The following ADAM12 variants were observed in gnomAD, a reference collection of about 807,000 sequenced individuals.
ADAM12 encodes the protein ADAM metallopeptidase domain 12, also known as disintegrin and metalloproteinase domain-containing protein 12.
ADAM12 carries 70 observed loss-of-function variants against 106.4 expected under a neutral mutation model. The ratio of observed to expected loss-of-function variants is 0.66; its 90% CI spans 0.54 to 0.80. The LOEUF (loss-of-function observed/expected upper bound fraction) is 0.80. Ranked by LOEUF, ADAM12 falls within the 30% of genes least tolerant of loss-of-function variation. ADAM12 has a pLI of 0.00. For missense variants in ADAM12, 1,010 were observed against 1,171.9 expected, an observed-to-expected ratio of 0.86 and a Z score of 2.02; for synonymous variants, 420 against 433.5, an observed-to-expected ratio of 0.97 and a Z score of 0.39.
At chr10:126,097,210 G>T (rs1955574078) in intron 10 of ADAM12, among the ~76,000 whole-genome samples, 1 of 152,218 alleles carries the variant, frequency 6.6e-6, no homozygotes, top group Non-Finnish European at 1.5e-5. Context: ...AGTCTGCTCT[G>T]TAAAAATAGA....
chr10:126,060,145 CA>C (rs1033917194), intron 14 of ADAM12, among the ~76,000 whole-genome samples: 7 of 152,256 alleles, frequency 4.6e-5, no homozygotes, highest in African/African-American at 1.7e-4. Flanking sequence ...AATAAATGAA[CA>C]AAAAACCCAA....
intron 6 of ADAM12, among the ~76,000 whole-genome samples, chr10:126,114,384 C>T (rs1428729591): frequency 6.6e-6 from 1 of 152,232 alleles, no homozygotes; most frequent in African/African-American, 2.4e-5. Context: ...TAGGAATCCA[C>T]ACCTGGAAAA....
intron 5 of ADAM12, among the ~76,000 whole-genome samples, chr10:126,120,700 A>G (rs958812910): frequency 6.6e-6 from 1 of 151,284 alleles, no homozygotes; most frequent in Non-Finnish European, 1.5e-5. Flanking sequence ...GGCCAGAGAG[A>G]CCTTGAGGGT....
At chr10:126,099,108 T>C (rs933594224) in intron 9 of ADAM12, among the ~76,000 whole-genome samples, 2 of 152,232 alleles carry the variant, frequency 1.3e-5, no homozygotes, top group African/African-American at 2.4e-5. Context: ...GCAGTCGTCC[T>C]TCTATCTGGA....
chr10:126,071,561 C>T lies in ADAM12; in HGVS notation c.1239G>A (p.Pro413=), dbSNP rs137889825. 179 of 1,614,036 alleles carry T rather than the reference C, an allele frequency of 1.1e-4. No individual in the cohort carries two copies. In the Middle Eastern group the frequency reaches 1.5e-3, roughly 13 times the overall value. Residue 413 remains proline, a synonymous_variant, in exon 12 of 23, where the codon CCG becomes CCA. Transcript: ENST00000448723. ...KGMGVCLFNL[P]EVRESFGGQK... is the part of the protein sequence containing the mutation. ...GGCCCCCGAAAGACTCCCTGACTTC[C>T]GGCAGGTTAAACAGGCACACCCCCA...
chr10:126,114,854 A>G (rs1422103417), intron 6 of ADAM12, among the ~76,000 whole-genome samples: 1 of 152,202 alleles, frequency 6.6e-6, no homozygotes, highest in Non-Finnish European at 1.5e-5. Context: ...TGGTTGTTAG[A>G]GAGGAATTCA....
chr10:126,329,752 A>T (rs1252262243), intron 2 of ADAM12, among the ~76,000 whole-genome samples: 1 of 152,224 alleles, frequency 6.6e-6, no homozygotes, highest in Non-Finnish European at 1.5e-5. Flanking sequence ...ATGAAAAATG[A>T]TCTAAAAATA....
At chr10:126,183,109 T>C (rs78297658) in intron 3 of ADAM12, among the ~76,000 whole-genome samples, 11,461 of 152,226 alleles carry the variant, frequency 0.075, 1,458 homozygotes, top group African/African-American at 0.26. Context: ...GCATGTTCCT[T>C]ACGAGAACCT....
intron 2 of ADAM12, among the ~76,000 whole-genome samples, chr10:126,327,875 G>T (rs976739796): frequency 6.6e-6 from 1 of 152,126 alleles, no homozygotes; most frequent in African/African-American, 2.4e-5. Flanking sequence ...GTTCACACAT[G>T]GGAGGAGCCC....
intron 21 of ADAM12, among the ~76,000 whole-genome samples, chr10:126,023,832 CA>C (rs1953815655): frequency 6.7e-6 from 1 of 149,622 alleles, no homozygotes; most frequent in Admixed American, 6.7e-5. Flanking sequence ...CTGGCAGAGG[CA>C]AAATAGCCCT....
chr10:126,382,160 GGGGCACT>G (rs761221380), intron 1 of ADAM12, among the ~76,000 whole-genome samples: 4 of 144,170 alleles, frequency 2.8e-5, no homozygotes, highest in Non-Finnish European at 6.3e-5. Flanking sequence ...TTGGGAACAG[GGGGCACT>G]GGGCACTGGA....
chr10:126,282,489 G>A (rs10794077), intron 2 of ADAM12, among the ~76,000 whole-genome samples: 101,069 of 151,998 alleles, frequency 0.66, 35,862 homozygotes, highest in Non-Finnish European at 0.79. Flanking sequence ...CTACAGTTTT[G>A]TTTCTAGTGT....
intron 4 of ADAM12, among the ~76,000 whole-genome samples, chr10:126,140,149 AC>A (rs1956483908): frequency 6.6e-6 from 1 of 152,134 alleles, no homozygotes; most frequent in Admixed American, 6.5e-5. Flanking sequence ...CTGGGTTTTG[AC>A]TGTCACAGAT....
At chr10:126,177,814 T>C (rs1957245890) in intron 3 of ADAM12, among the ~76,000 whole-genome samples, 1 of 152,180 alleles carries the variant, frequency 6.6e-6, no homozygotes, top group African/African-American at 2.4e-5. Flanking sequence ...GGGAATTAAC[T>C]GCGGCTGAAG....
chr10:126,288,308 G>A (rs1028479985), intron 2 of ADAM12, among the ~76,000 whole-genome samples: 1 of 152,154 alleles, frequency 6.6e-6, no homozygotes, highest in Non-Finnish European at 1.5e-5. Context: ...TCTTACATTT[G>A]TACTTGGGAC....
chr10:126,254,424 A>C (rs903306201), intron 3 of ADAM12, among the ~76,000 whole-genome samples: 3 of 152,284 alleles, frequency 2.0e-5, no homozygotes, highest in East Asian at 1.9e-4. Context: ...CTCCAGGAAG[A>C]ACCTGCGGTC....
At chr10:126,120,936 A>G (rs903102741) in intron 5 of ADAM12, among the ~76,000 whole-genome samples, 2 of 138,618 alleles carry the variant, frequency 1.4e-5, no homozygotes, top group African/African-American at 5.3e-5. Context: ...TATATATTAT[A>G]TATTACATAT....
At chr10:126,366,809 G>A (rs1590831151) in intron 1 of ADAM12, among the ~76,000 whole-genome samples, 1 of 152,034 alleles carries the variant, frequency 6.6e-6, no homozygotes, top group East Asian at 1.9e-4. Context: ...TGGACTGTGG[G>A]ACAGAAATTA....
Position 126,128,870 on chromosome 10 carries a change from C to T in ADAM12, c.416+6714G>A, listed in dbSNP as rs1248423809. On this transcript the variant is annotated intron_variant, in intron 5 of 22. Coordinates refer to ENST00000448723, the MANE Select transcript of ADAM12 (RefSeq NM_001288973.2). ...GAATGTGTGCAAGTGGGCGCCTGTG[C>T]GAGTGTGTGGTGCGCGTGTGGGAAT... Among the ~76,000 whole-genome samples, 23 of 121,566 alleles carry T rather than the reference C, an allele frequency of 1.9e-4. No individual in the cohort carries two copies. The South Asian group carries it at 2.3e-3, about 12-fold the overall frequency. 79.8% of individuals were successfully genotyped at this position (121,566 alleles called of 152,430 possible).
Sources: gnomAD v4.1 joint callset for allele counts (sites outside exome capture counted in the v4.1 genomes callset) on GRCh38, gnomAD v4.1.1 for gene constraint, MANE v1.5 for transcripts, NCBI Gene and HGNC (gene_info 2026-07-23, HGNC 2026-07-21) for gene names.